The following WDR47 variants were observed in gnomAD, a reference collection of about 807,000 sequenced individuals.
WDR47 encodes the protein WD repeat domain 47, also known as WD repeat-containing protein 47.
In WDR47, 32 loss-of-function variants were observed where a neutral mutation model predicts 97.2. The observed-to-expected ratio is 0.33, with a 90% confidence interval of 0.25 to 0.44. WDR47 has a LOEUF of 0.44. WDR47 is among the 20% of genes least tolerant of loss of function. The pLI is 1.00. For synonymous variants in WDR47, 375 were observed against 373.5 expected, an observed-to-expected ratio of 1.00 and a Z score of -0.05; for missense variants, 782 against 1,102.3, an observed-to-expected ratio of 0.71 and a Z score of 4.11.
At chr1:109,031,562 G>A (rs571685142) in intron 1 of WDR47, among the ~76,000 whole-genome samples, 6 of 138,078 alleles carry the variant, frequency 4.3e-5, no homozygotes, top group African/African-American at 1.6e-4. Flanking sequence ...GAATAGGAAT[G>A]GGAAGATCAC....
At chr1:108,990,162 G>C (rs1353395246) in intron 9 of WDR47, among the ~76,000 whole-genome samples, 1 of 152,046 alleles carries the variant, frequency 6.6e-6, no homozygotes, top group Non-Finnish European at 1.5e-5. Flanking sequence ...AGGAATTTGA[G>C]ACCAGCCTGG....
At chr1:109,029,247 G>C (rs371469751) in intron 1 of WDR47, among the ~76,000 whole-genome samples, 1 of 152,022 alleles carries the variant, frequency 6.6e-6, no homozygotes, top group African/African-American at 2.4e-5. Flanking sequence ...AGAAACTGCC[G>C]GGCGCAGTGG....
At chr1:108,988,083 A>G (rs1477171286) in intron 9 of WDR47, among the ~76,000 whole-genome samples, 2 of 151,496 alleles carry the variant, frequency 1.3e-5, no homozygotes, top group Non-Finnish European at 2.9e-5. Context: ...AAAAATGAAA[A>G]AAAAAAAAAA....
intron 1 of WDR47, among the ~76,000 whole-genome samples, chr1:109,041,213 C>T (rs1167825986): frequency 6.6e-6 from 1 of 151,256 alleles, no homozygotes; most frequent in Non-Finnish European, 1.5e-5. Flanking sequence ...GCGGTTTAAC[C>T]CTTTGAGTTC....
intron 13 of WDR47, among the ~76,000 whole-genome samples, chr1:108,977,398 C>T (rs1657993195): frequency 6.6e-6 from 1 of 152,106 alleles, no homozygotes; most frequent in African/African-American, 2.4e-5. Context: ...AGGAAATCCA[C>T]CCACCTCGGC....
At chr1:108,998,441 G>A (rs1222490505) in intron 7 of WDR47, among the ~76,000 whole-genome samples, 1 of 152,014 alleles carries the variant, frequency 6.6e-6, no homozygotes, top group Non-Finnish European at 1.5e-5. Context: ...GGAAGACGTT[G>A]CAGTGAGCCA....
At position 109,035,816 on chromosome 1, in the gene WDR47, C is replaced by CT. The variant is rs200992563; in HGVS notation, c.-10+6045dup. 1.9e-3 allele frequency among the ~76,000 whole-genome samples: 268 copies of CT among 143,472 alleles called. 1 individual carries two copies. The East Asian group carries it at 0.023, about 13-fold the overall frequency. 94.1% of individuals were successfully genotyped at this position (143,472 alleles called of 152,430 possible). On this transcript the variant is annotated intron_variant, in intron 1 of 14. Transcript: ENST00000369962. Reference sequence around the variant, plus strand: ...CAGCCAATTTTTAATTTTGTATCTTCTTTTTTTTTTTTTTAAGAGAAGGAG... The same window carrying CT: ...CAGCCAATTTTTAATTTTGTATCTTCTTTTTTTTTTTTTTTAAGAGAAGGAG...
At chr1:109,030,073 TCGCAAAAGATCTCCTTCATCCCTCC>T (rs1324374208) in intron 1 of WDR47, 2 of 700,742 alleles carry the variant, frequency 2.9e-6, no homozygotes, top group African/African-American at 3.6e-5. Context: ...AACATGCCTC[TCGCAAAAGATCTCCTTCATCCCTCC>T]CCAGAAGAAG....
intron 1 of WDR47, among the ~76,000 whole-genome samples, chr1:109,033,657 A>T (rs1662745343): frequency 6.6e-6 from 1 of 152,276 alleles, no homozygotes; most frequent in African/African-American, 2.4e-5. Context: ...GTGGTGGCTC[A>T]TGCCTGTAAT....
intron 2 of WDR47, among the ~76,000 whole-genome samples, chr1:109,018,433 T>A (rs1661581848): frequency 1.4e-5 from 2 of 140,016 alleles, no homozygotes; most frequent in Admixed American, 7.1e-5. Context: ...AGAGACTCTG[T>A]CTCAAAAAAA....
intron 1 of WDR47, among the ~76,000 whole-genome samples, chr1:109,028,177 CTA>C (rs1381200197): frequency 4.6e-5 from 7 of 151,860 alleles, no homozygotes; most frequent in Non-Finnish European, 2.9e-5. Context: ...GAACAGATGA[CTA>C]TGGTTTTGTT....
chr1:108,983,275 G>A lies in WDR47; in HGVS notation c.2095+7C>T. The A allele has an allele frequency of 6.2e-7, 1 of 1,600,444 alleles. No homozygotes were observed. Among genetic ancestry groups the A allele is most frequent in the East Asian group, 2.3e-5 (1 of 44,072 alleles). ...AGCTAGCTACTGCTTACATACTTGGGCCCTACCTGTTGCGTTACAAGTCTC... is the reference window on the plus strand; with the variant it reads ...AGCTAGCTACTGCTTACATACTTGGACCCTACCTGTTGCGTTACAAGTCTC... On this transcript the variant is annotated splice_region_variant and intron_variant, in intron 11 of 14. Transcript: ENST00000369962.
intron 7 of WDR47, among the ~76,000 whole-genome samples, chr1:108,999,442 G>A (rs1660009704): frequency 6.6e-6 from 1 of 151,850 alleles, no homozygotes; most frequent in Non-Finnish European, 1.5e-5. Flanking sequence ...GGTGGTTCTC[G>A]CCTGTAATCC....
intron 1 of WDR47, among the ~76,000 whole-genome samples, chr1:109,025,931 A>G (rs1051756941): frequency 1.3e-5 from 2 of 151,914 alleles, no homozygotes; most frequent in South Asian, 2.1e-4. Context: ...CAGCTACCCA[A>G]CTCCGCATGC....
At chr1:109,013,108 T>G (rs972863591) in intron 4 of WDR47, among the ~76,000 whole-genome samples, 1 of 152,138 alleles carries the variant, frequency 6.6e-6, no homozygotes, top group African/African-American at 2.4e-5. Flanking sequence ...GAGAGCTAGC[T>G]AGCCTCTTTA....
intron 5 of WDR47, among the ~76,000 whole-genome samples, chr1:109,009,338 A>G (rs1174750466): frequency 1.3e-5 from 2 of 152,230 alleles, no homozygotes; most frequent in African/African-American, 2.4e-5. Flanking sequence ...CCTGAAATAA[A>G]TAACTGTTGA....
intron 14 of WDR47, among the ~76,000 whole-genome samples, chr1:108,973,206 T>C (rs146865743): frequency 6.7e-6 from 1 of 149,312 alleles, no homozygotes; most frequent in African/African-American, 2.5e-5. Context: ...CTATTTAAAA[T>C]AGCCTTCCCC....
chr1:109,009,048 G>A (rs1451834690), intron 5 of WDR47, among the ~76,000 whole-genome samples: 1 of 151,580 alleles, frequency 6.6e-6, no homozygotes, highest in Non-Finnish European at 1.5e-5. Context: ...TTGTGCCACT[G>A]CACTCCAGCC....
chr1:109,023,994 T>A (rs563184119), intron 1 of WDR47, among the ~76,000 whole-genome samples: 1 of 152,362 alleles, frequency 6.6e-6, no homozygotes, highest in Non-Finnish European at 1.5e-5. Context: ...AGGTATGCTC[T>A]AATACATTCA....
Sources: allele counts gnomAD v4.1 joint callset (sites outside exome capture counted in the v4.1 genomes callset), GRCh38; gene constraint gnomAD v4.1.1; transcripts MANE v1.5; gene names NCBI Gene and HGNC (gene_info 2026-07-23, HGNC 2026-07-21).